RABGAP1L: variants seen among roughly 807,000 people sequenced by gnomAD.
RABGAP1L encodes rab GTPase-activating protein 1-like.
RABGAP1L carries 63 observed loss-of-function variants against 137.7 expected under a neutral mutation model. The observed-to-expected ratio is 0.46, with a 90% CI of 0.37 to 0.56. The LOEUF (loss-of-function observed/expected upper bound fraction) is 0.56, where lower values mean the gene tolerates loss of function less well. Among genes scored for constraint, RABGAP1L ranks in the 20% least tolerant of loss-of-function variants. The probability of loss-of-function intolerance (pLI) is 0.00; values close to 1 mark genes in which losing one functional copy is unlikely to be tolerated. For synonymous variants in RABGAP1L, 431 were observed against 433.7 expected (o/e 0.99, Z 0.08); for missense variants, 1,095 against 1,244.0 (o/e 0.88, Z 1.80).
intron 25 of RABGAP1L, 64 bp downstream of exon 25, chr1:174,988,902 T>C (rs1558311051): frequency 3.6e-6 from 5 of 1,381,312 alleles, no homozygotes; most frequent in Admixed American, 2.8e-5. Context: ...GATACTCTAG[T>C]ACTTCAGAAT....
intron 13 of RABGAP1L, among the ~76,000 whole-genome samples, chr1:174,433,235 C>T (rs529478241): frequency 2.0e-5 from 3 of 152,144 alleles, no homozygotes; most frequent in Non-Finnish European, 4.4e-5. Flanking sequence ...ACATTCTTTC[C>T]TCTAAGTCAT....
intron 12 of RABGAP1L, among the ~76,000 whole-genome samples, chr1:174,389,808 T>C (rs1474619266): frequency 6.6e-6 from 1 of 152,166 alleles, no homozygotes; most frequent in Admixed American, 6.5e-5. Context: ...TTGTGGAGTT[T>C]CTATTCATGC....
At position 174,225,478 on chromosome 1, in the gene RABGAP1L, C is replaced by T. The variant is rs372857129; in HGVS notation, c.331+4314C>T. Among the ~76,000 whole-genome samples the T allele has an allele frequency of 1.5e-4, 21 of 141,808 alleles. No individual in the cohort carries two copies. The East Asian group carries it at 4.0e-3, about 27-fold the overall frequency. 93.0% of individuals were successfully genotyped at this position (141,808 alleles called of 152,430 possible). A position where few individuals can be genotyped will look rare whatever the true frequency, so the allele number is the denominator to read the frequency against. The stretch of plus-strand genomic sequence containing the variant: ...TTTGAGACTATTTCTTGTTAAAATC[C>T]TCTGAAGAATGTTGACTTTTTTTTT... On this transcript the variant is annotated intron_variant, in intron 3 of 25. Coordinates refer to ENST00000681986, the MANE Select transcript of RABGAP1L (RefSeq NM_001366446.1).
At chr1:174,814,885 A>C (rs777695620) in intron 19 of RABGAP1L, among the ~76,000 whole-genome samples, 6 of 152,064 alleles carry the variant, frequency 3.9e-5, no homozygotes, top group Middle Eastern at 3.2e-3. Context: ...ACAGGGTTTC[A>C]CCATGTTGGC....
rs370876867 is a variant in RABGAP1L at position 174,331,011 on chromosome 1, T to C, written c.1465+25884T>C. ...AGACGCATAGACCTATGGAACAAAA[T>C]AGAGAGTCCCGAAATAAATTCAGGC... On this transcript the variant is annotated intron_variant, in intron 11 of 25. Transcript: ENST00000681986. Among the ~76,000 whole-genome samples, 6 of 152,136 alleles carry C rather than the reference T, an allele frequency of 3.9e-5. No individual in the cohort carries two copies. The East Asian group carries it at 1.2e-3, about 29-fold the overall frequency.
intron 19 of RABGAP1L, among the ~76,000 whole-genome samples, chr1:174,820,253 T>C (rs936797640): frequency 6.6e-6 from 1 of 152,116 alleles, no homozygotes; most frequent in African/African-American, 2.4e-5. Context: ...AGGAAGGACA[T>C]GGGGCCAGGG....
intron 13 of RABGAP1L, among the ~76,000 whole-genome samples, chr1:174,472,278 G>A (rs1188601950): frequency 6.6e-6 from 1 of 152,164 alleles, no homozygotes; most frequent in East Asian, 1.9e-4. Context: ...CAATGAGACA[G>A]GTATGGTGGG....
At chr1:174,595,927 G>T (rs1669857418) in intron 13 of RABGAP1L, among the ~76,000 whole-genome samples, 1 of 105,596 alleles carries the variant, frequency 9.5e-6, no homozygotes, top group Non-Finnish European at 1.8e-5. Flanking sequence ...AGCAAGCCTT[G>T]GCAATGGCGG....
chr1:174,278,919 T>C, intron 10 of RABGAP1L, 140 bp downstream of exon 10: 1 of 775,448 alleles, frequency 1.3e-6, no homozygotes, highest in South Asian at 3.5e-5. Flanking sequence ...AGTCAACCAA[T>C]AGAGTGTTTG....
chr1:174,439,153 G>A (rs1163980956), intron 13 of RABGAP1L, among the ~76,000 whole-genome samples: 1 of 151,788 alleles, frequency 6.6e-6, no homozygotes, highest in Non-Finnish European at 1.5e-5. Flanking sequence ...CGGGAAGAAA[G>A]CATTTAATAT....
At chr1:174,598,162 C>G (rs933014233) in intron 13 of RABGAP1L, among the ~76,000 whole-genome samples, 2 of 152,030 alleles carry the variant, frequency 1.3e-5, no homozygotes, top group Admixed American at 6.5e-5. Context: ...AACCCCATCT[C>G]TACTAAAATA....
rs1165148965 is a variant in RABGAP1L, at chr1:174,369,165, A to G, written c.1466-1814A>G. ...AACTATCAGTCCTTGTTTGCGTGAC[A>G]TAGTCTAAGTTTAACCTGTCTTCCA... is the stretch of plus-strand genomic sequence containing the variant. On this transcript the variant is annotated intron_variant, in intron 11 of 25. Coordinates refer to ENST00000681986, the MANE Select transcript of RABGAP1L (RefSeq NM_001366446.1). 5.3e-5 allele frequency among the ~76,000 whole-genome samples: 8 copies of G among 152,114 alleles called. No homozygotes were observed. The East Asian group carries it at 1.5e-3, about 29-fold the overall frequency.
chr1:174,598,473 TGGATGATCTGTCCAGTGCTGAA>T (rs1448884865), intron 13 of RABGAP1L, among the ~76,000 whole-genome samples: 1 of 152,222 alleles, frequency 6.6e-6, no homozygotes, highest in African/African-American at 2.4e-5. Context: ...TTTTTCAGTC[TGGATGATCTGTCCAGTGCTGAA>T]AGTGGTATGT....
chr1:174,322,160 A>G (rs867594959), intron 11 of RABGAP1L, among the ~76,000 whole-genome samples: 21 of 152,280 alleles, frequency 1.4e-4, no homozygotes, highest in Middle Eastern at 3.4e-3. Flanking sequence ...GCCTAACTCA[A>G]TGTCACAAAG....
At chr1:174,982,683 C>T (rs1040395341) in intron 23 of RABGAP1L, 151 bp from the exon 24 acceptor site, 44 of 701,648 alleles carry the variant, frequency 6.3e-5, no homozygotes, top group African/African-American at 5.9e-4. Flanking sequence ...TGCTCATTTC[C>T]GAAATGACTG....
chr1:174,238,736 G>GC (rs1401481068), intron 4 of RABGAP1L: 1 of 150,202 alleles, frequency 6.7e-6, no homozygotes, highest in East Asian at 1.9e-4. Context: ...TCTGTGCCCT[G>GC]CCCTCAGAGG....
At chr1:174,986,353 G>A (rs1671592508) in intron 24 of RABGAP1L, among the ~76,000 whole-genome samples, 1 of 152,192 alleles carries the variant, frequency 6.6e-6, no homozygotes, top group Non-Finnish European at 1.5e-5. Context: ...ATTCTCCTGG[G>A]TGAGCTCTTT....
chr1:174,949,259 C>T (rs1383399296), intron 19 of RABGAP1L, among the ~76,000 whole-genome samples: 2 of 152,122 alleles, frequency 1.3e-5, no homozygotes, highest in Admixed American at 6.6e-5. Context: ...AGATTTGCAT[C>T]CTGGAAAAAA....
At chr1:174,671,288 G>A (rs1437232733) in intron 14 of RABGAP1L, among the ~76,000 whole-genome samples, 5 of 152,034 alleles carry the variant, frequency 3.3e-5, no homozygotes, top group South Asian at 2.1e-4. Context: ...GGGACAATTC[G>A]GTTTCTTCCT....
Sources: gnomAD v4.1 joint callset for allele counts (sites outside exome capture counted in the v4.1 genomes callset) on GRCh38, gnomAD v4.1.1 for gene constraint, MANE v1.5 for transcripts, NCBI Gene and HGNC (gene_info 2026-07-23, HGNC 2026-07-21) for gene names.